PARVB: variants seen among roughly 807,000 people sequenced by gnomAD.
PARVB encodes beta-parvin.
Under a neutral mutation model 47.0 loss-of-function variants are expected in PARVB, and 46 were observed. That is an observed-to-expected ratio of 0.98 (90% CI 0.77 to 1.25). The LOEUF is 1.25. Ranked by LOEUF, PARVB falls within the 50% of genes most tolerant of loss-of-function variation. PARVB has a pLI of 0.00. For synonymous variants in PARVB, 196 were observed against 196.3 expected (o/e 1.00, Z 0.01); for missense variants, 473 against 471.6 (o/e 1.00, Z -0.03).
Position 44,089,978 on chromosome 22 carries a change from C to T in PARVB, c.113-3950C>T, listed in dbSNP as rs555885368. On this transcript the variant is annotated intron_variant, in intron 1 of 12. Coordinates refer to ENST00000338758, the MANE Select transcript of PARVB (RefSeq NM_013327.5). The surrounding 1 kb of genome is among the most constrained non-coding windows in gnomAD (Gnocchi z 4.0). ...GGACCTCGCCTGCCTTGTGGTCACT[C>T]TTCCTCCAGTCTGTGTCTCTCTTGG... 6.6e-6 allele frequency among the ~76,000 whole-genome samples: 1 copy of T among 152,362 alleles called. No individual in the cohort carries two copies. The highest frequency in any genetic ancestry group is 2.1e-4 in the South Asian group (1 of 4,830).
chr22:44,092,230 C>T (rs2052186190), intron 1 of PARVB, among the ~76,000 whole-genome samples: 1 of 152,156 alleles, frequency 6.6e-6, no homozygotes, highest in Non-Finnish European at 1.5e-5. Flanking sequence ...CCCACCTCAG[C>T]CTCCTGAGTA....
chr22:44,055,622 C>T (rs1601535006), intron 1 of PARVB, among the ~76,000 whole-genome samples: 6 of 151,880 alleles, frequency 4.0e-5, no homozygotes, highest in Admixed American at 3.3e-4. Flanking sequence ...CGTGAGCCAC[C>T]GCGCCCAGCC....
chr22:44,169,644 G>A lies in PARVB; in HGVS notation c.*966G>A, dbSNP rs2054245841. On this transcript the variant is annotated 3_prime_UTR_variant, in exon 13 of 13. Transcript: ENST00000338758. ...CTTGTAGATGCCGGCTTCTCCCCGT[G>A]TCTTCACATGGTCTCCCCTCTGTGT... 6.6e-6 allele frequency: 1 copy of A among 150,386 alleles called. No homozygotes were observed. The highest frequency in any genetic ancestry group is 2.5e-5 in the African/African-American group (1 of 39,706). 9.3% of individuals were successfully genotyped at this position (150,386 alleles called of 1,614,324 possible). A position where few individuals can be genotyped will look rare whatever the true frequency, so the allele number is the denominator to read the frequency against.
intron 9 of PARVB, chr22:44,150,244 A>G (rs1395304691): frequency 6.6e-6 from 1 of 152,278 alleles, no homozygotes; most frequent in Non-Finnish European, 1.5e-5. Flanking sequence ...AGTTTCTATC[A>G]AAGTTGGCTT....
chr22:44,048,195 T>C (rs1369662155), intron 1 of PARVB, among the ~76,000 whole-genome samples: 1 of 152,180 alleles, frequency 6.6e-6, no homozygotes, highest in Non-Finnish European at 1.5e-5. Context: ...TGATACTTTT[T>C]CACTGGGGCC....
intron 4 of PARVB, among the ~76,000 whole-genome samples, chr22:44,120,729 G>A (rs533553562): frequency 8.2e-6 from 1 of 122,252 alleles, no homozygotes; most frequent in Non-Finnish European, 1.5e-5. Context: ...AGGCTGGAGT[G>A]TAGTGGGGTG....
At chr22:44,002,878 A>G (rs957219076) in intron 2 of PARVB, among the ~76,000 whole-genome samples, 4 of 152,192 alleles carry the variant, frequency 2.6e-5, no homozygotes, top group African/African-American at 9.6e-5. Flanking sequence ...AGCTTTATAC[A>G]TAGTGCCTTC....
chr22:44,026,847 GA>G (rs112547748), intron 1 of PARVB, among the ~76,000 whole-genome samples: 7 of 150,798 alleles, frequency 4.6e-5, no homozygotes, highest in African/African-American at 1.7e-4. Context: ...GAAGCTGGGG[GA>G]AGGGGCGGGC....
chr22:44,140,483 G>C (rs1601668282), intron 8 of PARVB: 1 of 630,926 alleles, frequency 1.6e-6, no homozygotes, highest in Non-Finnish European at 3.0e-6. Context: ...GGGAGGAGAG[G>C]CAGCCAGCAC....
chr22:44,019,153 G>C (rs527529601), intron 2 of PARVB, among the ~76,000 whole-genome samples: 2 of 152,202 alleles, frequency 1.3e-5, no homozygotes, highest in South Asian at 2.1e-4. Context: ...GTGACCTCAG[G>C]TGATCTGCCC....
At chr22:44,097,378 C>T (rs2052332822) in intron 2 of PARVB, among the ~76,000 whole-genome samples, 1 of 152,210 alleles carries the variant, frequency 6.6e-6, no homozygotes, top group South Asian at 2.1e-4. Context: ...AATTGCTCCC[C>T]TCTAGGCCGC....
At chr22:44,157,872 G>A in intron 10 of PARVB, 110 bp from the exon 11 acceptor site, 1 of 715,142 alleles carries the variant, frequency 1.4e-6, no homozygotes. Context: ...CAGCCTGGGT[G>A]ACAGAGTGAG....
At chr22:44,036,427 G>A (rs1476897264) in intron 1 of PARVB, among the ~76,000 whole-genome samples, 1 of 152,054 alleles carries the variant, frequency 6.6e-6, no homozygotes, top group Non-Finnish European at 1.5e-5. Context: ...TGATAAAACA[G>A]ATGAGTATCT....
chr22:44,121,147 T>G lies in PARVB; in HGVS notation c.376+2007T>G, dbSNP rs181747219. 1.8e-4 allele frequency among the ~76,000 whole-genome samples: 27 copies of G among 151,842 alleles called. No homozygotes were observed. The East Asian group carries it at 2.7e-3, about 15-fold the overall frequency. ...TGAGCCACTGTGCCTGACTGGCTAA[T>G]TGTTTTGTATTAAATTTTTAAATTT... is the stretch of plus-strand genomic sequence containing the variant. On this transcript the variant is annotated intron_variant, in intron 4 of 12. Coordinates refer to ENST00000338758, the MANE Select transcript of PARVB (RefSeq NM_013327.5).
chr22:44,061,805 C>G (rs528822203), intron 1 of PARVB, among the ~76,000 whole-genome samples: 8 of 151,770 alleles, frequency 5.3e-5, no homozygotes, highest in African/African-American at 1.9e-4. Flanking sequence ...TTAGTAGAGA[C>G]GGGGTTTCAC....
intron 10 of PARVB, among the ~76,000 whole-genome samples, chr22:44,154,532 TGG>T (rs989570126): frequency 7.5e-5 from 9 of 119,904 alleles, no homozygotes; most frequent in African/African-American, 2.1e-4. Flanking sequence ...TGTAGTCTGG[TGG>T]GTGTGTGTGT....
At chr22:44,027,926 T>TATA (rs2050758475) in intron 1 of PARVB, among the ~76,000 whole-genome samples, 1 of 148,004 alleles carries the variant, frequency 6.8e-6, no homozygotes, top group Non-Finnish European at 1.5e-5. Context: ...TATATATATA[T>TATA]ATATATATAT....
chr22:44,116,868 A>G (rs2052917772), intron 3 of PARVB, among the ~76,000 whole-genome samples: 2 of 151,726 alleles, frequency 1.3e-5, no homozygotes, highest in Non-Finnish European at 2.9e-5. Context: ...CGTGGCGCAG[A>G]TGAGCTTGGG....
chr22:44,018,438 G>A (rs780154655), intron 2 of PARVB, among the ~76,000 whole-genome samples: 3 of 152,138 alleles, frequency 2.0e-5, no homozygotes, highest in Non-Finnish European at 2.9e-5. Context: ...CATGCTCGAT[G>A]TTTCTGTGTC....
Sources: gnomAD v4.1 joint callset for allele counts (sites outside exome capture counted in the v4.1 genomes callset) on GRCh38, gnomAD v4.1.1 for gene constraint, Gnocchi (gnomAD v3.1) non-coding constraint, MANE v1.5 for transcripts, NCBI Gene and HGNC (gene_info 2026-07-23, HGNC 2026-07-21) for gene names.